Variants in TBL1X observed in about 807,000 individuals in gnomAD.
TBL1X encodes transducin beta like 1 X-linked.
TBL1X carries 10 observed loss-of-function variants against 50.7 expected under a neutral mutation model. The observed-to-expected ratio is 0.20, with a 90% CI of 0.12 to 0.33. The LOEUF (loss-of-function observed/expected upper bound fraction) is 0.33, where lower values mean the gene tolerates loss of function less well. Ranked by LOEUF, TBL1X falls within the 10% of genes least tolerant of loss-of-function variation. TBL1X has a pLI of 1.00. For synonymous variants in TBL1X, 190 were observed against 214.7 expected, an observed-to-expected ratio of 0.88 and a Z score of 1.01; for missense variants, 340 against 504.4, an observed-to-expected ratio of 0.67 and a Z score of 3.12.
At chrX:9,609,761 A>G (rs951124296) in intron 2 of TBL1X, among the ~76,000 whole-genome samples, 2 of 111,507 alleles carry the variant, frequency 1.8e-5, no homozygotes, top group Non-Finnish European at 1.9e-5. Context: ...TCATGTGAAC[A>G]TGGTCAGCTG....
rs753009157 is a variant in TBL1X, at chrX:9,575,538, C to T, written c.-130-64735C>T. 9.8e-5 allele frequency among the ~76,000 whole-genome samples: 11 copies of T among 112,108 alleles called. No individual in the cohort carries two copies. The South Asian group carries it at 1.8e-3, about 19-fold the overall frequency. Reference sequence around the variant, plus strand: ...CATGTTGTCCCCTGTGTCGGTGCTTCGTTCCTTTTCATAGCCAGATTATAC... The same window carrying T: ...CATGTTGTCCCCTGTGTCGGTGCTTTGTTCCTTTTCATAGCCAGATTATAC... On this transcript the variant is annotated intron_variant, in intron 2 of 17. Coordinates refer to ENST00000645353, the MANE Select transcript of TBL1X (RefSeq NM_005647.4).
At position 9,701,172 on chromosome X, in the gene TBL1X, C is replaced by T. The variant is rs894966494; in HGVS notation, c.1114+3743C>T. 4.5e-5 allele frequency among the ~76,000 whole-genome samples: 5 copies of T among 111,422 alleles called. 1 individual carries two copies. Among genetic ancestry groups the T allele is most frequent in the Admixed American group, 1.9e-4 (2 of 10,466 alleles). ...CAGCGTCGATACAACGCTACGGCTA[C>T]GCGAAATGTAACCCTCAGGAGAACC... On this transcript the variant is annotated intron_variant, in intron 12 of 17. Transcript: ENST00000645353.
At chrX:9,649,902 C>G (rs1469111591) in intron 3 of TBL1X, among the ~76,000 whole-genome samples, 1 of 111,929 alleles carries the variant, frequency 8.9e-6, no homozygotes, top group African/African-American at 3.2e-5. Flanking sequence ...AAACCTCTTG[C>G]CTTAGCCTCC....
intron 12 of TBL1X, among the ~76,000 whole-genome samples, chrX:9,698,683 T>C (rs764866509): frequency 3.9e-4 from 44 of 111,723 alleles, no homozygotes; most frequent in Admixed American, 1.8e-3. Flanking sequence ...CACAAACAAG[T>C]GTTAGCAGAG....
At chrX:9,529,113 A>C (rs113621702) in intron 2 of TBL1X, among the ~76,000 whole-genome samples, 5,941 of 111,989 alleles carry the variant, frequency 0.053, 390 homozygotes, top group African/African-American at 0.18. Flanking sequence ...ATCACAAAGG[A>C]AGTGCCTATG....
intron 13 of TBL1X, among the ~76,000 whole-genome samples, chrX:9,706,811 A>AAGC (rs1341309350): frequency 9.0e-6 from 1 of 111,200 alleles, no homozygotes; most frequent in East Asian, 2.8e-4. Flanking sequence ...ACGTGCAGCC[A>AAGC]AGCACCTTGC....
rs374249811 is a variant in TBL1X at position 9,693,738 on chromosome X, G to C, written c.1053+319G>C. 1.7e-3 allele frequency among the ~76,000 whole-genome samples: 191 copies of C among 111,663 alleles called. 1 individual carries two copies. Among genetic ancestry groups the C allele is most frequent in the African/African-American group, 6.0e-3 (185 of 30,721 alleles). ...TGGAAGGAGCCACGTGGTATGGGGCGTGCCCTGCCTGAACTTGCACCCACT... is the reference window on the plus strand; with the variant it reads ...TGGAAGGAGCCACGTGGTATGGGGCCTGCCCTGCCTGAACTTGCACCCACT... On this transcript the variant is annotated intron_variant, in intron 11 of 17. Coordinates refer to ENST00000645353, the MANE Select transcript of TBL1X (RefSeq NM_005647.4).
intron 2 of TBL1X, among the ~76,000 whole-genome samples, chrX:9,603,478 G>A (rs779658021): frequency 2.4e-4 from 27 of 112,341 alleles, no homozygotes; most frequent in Non-Finnish European, 5.1e-4. Flanking sequence ...AAAATATCAA[G>A]TCCATGATTT....
At chrX:9,573,636 C>A (rs929268348) in intron 2 of TBL1X, among the ~76,000 whole-genome samples, 1 of 112,502 alleles carries the variant, frequency 8.9e-6, no homozygotes. Context: ...CCCCACAATA[C>A]CTCACCGTGC....
In TBL1X at chrX:9,632,930, A is replaced by G. The variant is rs188442435; in HGVS notation, c.-130-7343A>G. 3.8e-4 allele frequency among the ~76,000 whole-genome samples: 43 copies of G among 112,377 alleles called. 1 individual carries two copies. Among genetic ancestry groups the G allele is most frequent in the Admixed American group, 3.4e-3 (36 of 10,612 alleles). The stretch of plus-strand genomic sequence containing the variant: ...ACAATCTGTCTCTCTCATTTTGTAC[A>G]GTAATGATCCATGAACATACTAAAG... On this transcript the variant is annotated intron_variant, in intron 2 of 17. Coordinates refer to ENST00000645353, the MANE Select transcript of TBL1X (RefSeq NM_005647.4).
Position 9,646,096 on chromosome X carries a change from T to C in TBL1X, c.-43+5736T>C, listed in dbSNP as rs137992421. 3.6e-3 allele frequency among the ~76,000 whole-genome samples: 411 copies of C among 112,842 alleles called. 3 individuals carry two copies. Among genetic ancestry groups the C allele is most frequent in the African/African-American group, 0.012 (383 of 31,095 alleles). On this transcript the variant is annotated intron_variant, in intron 3 of 17. Coordinates refer to ENST00000645353, the MANE Select transcript of TBL1X (RefSeq NM_005647.4). ...CATATTTATCTCTTGGAGTTATGAC[T>C]GGTGAGATCGATCGTATCGTGCACA...
chrX:9,687,748 GT>G (rs755611089), intron 6 of TBL1X, among the ~76,000 whole-genome samples: 3 of 102,528 alleles, frequency 2.9e-5, no homozygotes, highest in Non-Finnish European at 5.9e-5. Context: ...TGGCCTTTTT[GT>G]CCTCAATGCC....
chrX:9,491,323 TATATATATATA>T (rs1569205460), intron 1 of TBL1X, among the ~76,000 whole-genome samples: 3 of 42,247 alleles, frequency 7.1e-5, no homozygotes, highest in East Asian at 1.8e-3. Context: ...TATATATATA[TATATATATATA>T]TATATTTTTT....
At chrX:9,487,496 C>G (rs1345867260) in intron 1 of TBL1X, among the ~76,000 whole-genome samples, 2 of 111,952 alleles carry the variant, frequency 1.8e-5, no homozygotes, top group Admixed American at 9.5e-5. Flanking sequence ...AATGTTCTGT[C>G]AAAACCCCAG....
At chrX:9,503,398 G>C (rs2082011025) in intron 2 of TBL1X, among the ~76,000 whole-genome samples, 1 of 113,221 alleles carries the variant, frequency 8.8e-6, no homozygotes, top group Non-Finnish European at 1.9e-5. Context: ...GCTGGAATCC[G>C]CTTAAGCTTA....
intron 2 of TBL1X, chrX:9,636,538 C>T (rs2082749214): frequency 9.2e-6 from 1 of 108,365 alleles, no homozygotes; most frequent in African/African-American, 3.3e-5. Flanking sequence ...CATGTATGGT[C>T]CAGGGGAATG....
chrX:9,543,199 G>A (rs2082224177), intron 2 of TBL1X, among the ~76,000 whole-genome samples: 1 of 111,695 alleles, frequency 9.0e-6, no homozygotes, highest in Admixed American at 9.4e-5. Context: ...TGTGCCTGCC[G>A]ATCACCCTCA....
intron 2 of TBL1X, among the ~76,000 whole-genome samples, chrX:9,601,844 C>T (rs1358505556): frequency 8.9e-6 from 1 of 111,892 alleles, no homozygotes; most frequent in African/African-American, 3.3e-5. Context: ...GAGTTCAAGA[C>T]CAGCCTGGCC....
chrX:9,522,469 C>T (rs2082111762), intron 2 of TBL1X, among the ~76,000 whole-genome samples: 1 of 111,197 alleles, frequency 9.0e-6, no homozygotes, highest in Non-Finnish European at 1.9e-5. Flanking sequence ...CTGCAGGCCC[C>T]ATGGCTTGGG....
Sources: allele counts gnomAD v4.1 joint callset (sites outside exome capture counted in the v4.1 genomes callset), GRCh38; gene constraint gnomAD v4.1.1; transcripts MANE v1.5; gene names NCBI Gene and HGNC (gene_info 2026-07-23, HGNC 2026-07-21).